The following CDH18 variants were observed in gnomAD, a reference collection of about 807,000 sequenced individuals.
The protein encoded by CDH18 is cadherin-18.
Under a neutral mutation model 67.9 loss-of-function variants are expected in CDH18, and 31 were observed. The observed-to-expected ratio is 0.46, with a 90% CI of 0.34 to 0.62. The LOEUF is 0.62. CDH18 is among the 20% of genes least tolerant of loss of function. The pLI, the probability that CDH18 is intolerant of heterozygous loss-of-function variation, is 0.01. For missense variants in CDH18, 890 were observed against 975.5 expected (o/e 0.91, Z 1.17); for synonymous variants, 362 against 347.2 (o/e 1.04, Z -0.48).
At chr5:20,292,892 A>T (rs1747209157) in intron 1 of CDH18, among the ~76,000 whole-genome samples, 1 of 152,114 alleles carries the variant, frequency 6.6e-6, no homozygotes, top group South Asian at 2.1e-4. Flanking sequence ...ACTTCATCAT[A>T]ACTTGATATA....
chr5:19,917,798 T>C (rs1296842790), intron 2 of CDH18, among the ~76,000 whole-genome samples: 1 of 152,188 alleles, frequency 6.6e-6, no homozygotes, highest in Non-Finnish European at 1.5e-5. Context: ...TCTAAAAATA[T>C]GTGCTGAGCT....
At chr5:19,937,350 G>A (rs1463934250) in intron 2 of CDH18, among the ~76,000 whole-genome samples, 1 of 151,282 alleles carries the variant, frequency 6.6e-6, no homozygotes, top group Non-Finnish European at 1.5e-5. Flanking sequence ...AAGTAACAAG[G>A]AGGTGTTATG....
chr5:19,493,013 A>AT (rs1253778692), intron 11 of CDH18, among the ~76,000 whole-genome samples: 3 of 152,040 alleles, frequency 2.0e-5, no homozygotes, highest in African/African-American at 7.2e-5. Context: ...CCCTCTCTAG[A>AT]TTTTTCCAAC....
At chr5:20,450,087 C>A in intron 1 of CDH18, among the ~76,000 whole-genome samples, 1 of 151,828 alleles carries the variant, frequency 6.6e-6, no homozygotes, top group Non-Finnish European at 1.5e-5. Flanking sequence ...CATGTAATCC[C>A]AGCACTTTGG....
intron 7 of CDH18, among the ~76,000 whole-genome samples, chr5:19,586,905 T>A (rs1744244526): frequency 6.6e-6 from 1 of 152,186 alleles, no homozygotes; most frequent in Non-Finnish European, 1.5e-5. Context: ...CCATTCTGAC[T>A]GGTGTGAGAT....
In CDH18 at chr5:20,462,130, T is replaced by C. The variant is rs570444237; in HGVS notation, c.-580+113332A>G. 2.4e-4 allele frequency among the ~76,000 whole-genome samples: 36 copies of C among 152,256 alleles called. 1 individual carries two copies. The South Asian group carries it at 5.2e-3, about 22-fold the overall frequency. On this transcript the variant is annotated intron_variant, in intron 1 of 14. Coordinates refer to the CDH18 transcript ENST00000507958. ...ATGGAATCAACTTAAGAATCTATCATTGAATAAATGAATAAAGGAAATGTG... is the reference window on the plus strand; with the variant it reads ...ATGGAATCAACTTAAGAATCTATCACTGAATAAATGAATAAAGGAAATGTG...
At chr5:20,565,021 A>C (rs902252541) in intron 1 of CDH18, among the ~76,000 whole-genome samples, 2 of 152,186 alleles carry the variant, frequency 1.3e-5, no homozygotes, top group Non-Finnish European at 2.9e-5. Context: ...TAGTGAGTAC[A>C]TTTTAAAAAT....
At chr5:20,289,531 G>A (rs1182927270) in intron 1 of CDH18, among the ~76,000 whole-genome samples, 6 of 151,920 alleles carry the variant, frequency 3.9e-5, no homozygotes, top group African/African-American at 1.4e-4. Context: ...CTAGGTGACA[G>A]ACTAAATATT....
intron 7 of CDH18, among the ~76,000 whole-genome samples, chr5:19,590,498 A>C (rs1043390532): frequency 1.3e-5 from 2 of 151,928 alleles, no homozygotes; most frequent in Non-Finnish European, 2.9e-5. Context: ...AGATAGATAG[A>C]TAGATAGATA....
At chr5:20,343,894 A>C (rs550102879) in intron 1 of CDH18, among the ~76,000 whole-genome samples, 4 of 152,290 alleles carry the variant, frequency 2.6e-5, no homozygotes, top group Non-Finnish European at 5.9e-5. Flanking sequence ...TGCAAAGTCC[A>C]CCAAAAGAGG....
chr5:19,846,911 A>AT (rs1443443147), intron 2 of CDH18, among the ~76,000 whole-genome samples: 1 of 120,204 alleles, frequency 8.3e-6, no homozygotes, highest in Non-Finnish European at 1.9e-5. Context: ...TGTCGGCAAG[A>AT]TTTTTTTTCT....
intron 2 of CDH18, among the ~76,000 whole-genome samples, chr5:19,954,145 C>T (rs1162374673): frequency 6.6e-6 from 1 of 152,006 alleles, no homozygotes; most frequent in African/African-American, 2.4e-5. Context: ...GCACTTGGAT[C>T]ATCTGGGATT....
At chr5:19,549,703 AAG>A (rs945570580) in intron 8 of CDH18, among the ~76,000 whole-genome samples, 24 of 150,468 alleles carry the variant, frequency 1.6e-4, no homozygotes, top group Non-Finnish European at 1.8e-4. Flanking sequence ...AGAAAGAAGA[AAG>A]AAAGAAAGGA....
At chr5:19,771,281 T>C (rs962840445) in intron 3 of CDH18, among the ~76,000 whole-genome samples, 2 of 152,144 alleles carry the variant, frequency 1.3e-5, no homozygotes, top group African/African-American at 4.8e-5. Context: ...CTTGGAAATA[T>C]AGGTTATAAA....
At chr5:20,496,950 C>T (rs1287216714) in intron 1 of CDH18, among the ~76,000 whole-genome samples, 1 of 151,746 alleles carries the variant, frequency 6.6e-6, no homozygotes, top group Non-Finnish European at 1.5e-5. Flanking sequence ...CATGAAGGAG[C>T]TGTGGGTGCT....
chr5:19,702,584 A>T (rs58502621), intron 5 of CDH18, among the ~76,000 whole-genome samples: 1 of 151,860 alleles, frequency 6.6e-6, no homozygotes, highest in Non-Finnish European at 1.5e-5. Context: ...TGGCCAACAT[A>T]GTAAAACCCC....
chr5:20,302,135 T>A (rs1735991780), intron 1 of CDH18, among the ~76,000 whole-genome samples: 1 of 152,198 alleles, frequency 6.6e-6, no homozygotes, highest in South Asian at 2.1e-4. Flanking sequence ...GCCAAGTATA[T>A]GATACACTTC....
chr5:20,330,672 C>G lies in CDH18; in HGVS notation c.-579-75167G>C, dbSNP rs1739085737. On this transcript the variant is annotated intron_variant, in intron 1 of 14. Transcript: ENST00000507958. ...AACACACTGCGCATGTGGCCCCTTC[C>G]AAGTACTGGCAGGCCACTGTGCATG... Among the ~76,000 whole-genome samples the G allele has an allele frequency of 2.0e-5, 3 of 152,140 alleles. No individual in the cohort carries two copies. The South Asian group carries it at 6.2e-4, about 31-fold the overall frequency.
chr5:19,736,560 C>T (rs1768354708), intron 4 of CDH18, among the ~76,000 whole-genome samples: 1 of 152,088 alleles, frequency 6.6e-6, no homozygotes, highest in African/African-American at 2.4e-5. Context: ...AGCTATCTTA[C>T]ATTCCACGTT....
Sources: allele counts gnomAD v4.1 joint callset (sites outside exome capture counted in the v4.1 genomes callset), GRCh38; gene constraint gnomAD v4.1.1; transcripts MANE v1.5; gene names NCBI Gene and HGNC (gene_info 2026-07-23, HGNC 2026-07-21).